Variants in NOL4L observed in about 807,000 individuals in gnomAD.
The protein encoded by NOL4L is nucleolar protein 4-like.
A neutral mutation model predicts 64.5 loss-of-function variants in NOL4L; 7 were observed. That is an observed-to-expected ratio of 0.11 (90% confidence interval 0.06 to 0.20). The LOEUF (loss-of-function observed/expected upper bound fraction) is 0.20. Among genes scored for constraint, NOL4L ranks in the 10% least tolerant of loss-of-function variants. The pLI is 1.00. For synonymous variants in NOL4L, 413 were observed against 401.0 expected (o/e 1.03, Z -0.36); for missense variants, 680 against 967.1 (o/e 0.70, Z 3.94).
At chr20:32,570,834 C>T (rs141974285) in intron 1 of NOL4L, among the ~76,000 whole-genome samples, 1 of 152,316 alleles carries the variant, frequency 6.6e-6, no homozygotes, top group Non-Finnish European at 1.5e-5. Context: ...ATGATAACAA[C>T]AGCAGCCACA....
chr20:32,566,263 C>G (rs1353087190), intron 1 of NOL4L, among the ~76,000 whole-genome samples: 1 of 152,218 alleles, frequency 6.6e-6, no homozygotes, highest in Non-Finnish European at 1.5e-5. Context: ...GCAGTGGACC[C>G]AGGATTCGAA....
In NOL4L at chr20:32,535,608, C is replaced by T. The variant is rs530899576; in HGVS notation, c.322-7695G>A. 116 of 985,592 alleles carry T rather than the reference C, an allele frequency of 1.2e-4. No individual in the cohort carries two copies. In the South Asian group the frequency reaches 4.2e-3, roughly 36 times the overall value. The allele number at this position is 985,592 out of a possible 1,614,324, so 61.1% of individuals were successfully genotyped here. A position where few individuals can be genotyped will look rare whatever the true frequency, so the allele number is the denominator to read the frequency against. ...TTTCAAATCACGCTGGGGACCAAAACGCACACCCCAGGCCACAGAGAAAGG... is the reference window on the plus strand; with the variant it reads ...TTTCAAATCACGCTGGGGACCAAAATGCACACCCCAGGCCACAGAGAAAGG... On this transcript the variant is annotated intron_variant, in intron 1 of 10. Coordinates refer to ENST00000621426, the MANE Select transcript of NOL4L (RefSeq NM_001256798.2).
intron 4 of NOL4L, among the ~76,000 whole-genome samples, chr20:32,477,299 T>G (rs1475186308): frequency 6.6e-6 from 1 of 151,920 alleles, no homozygotes; most frequent in African/African-American, 2.4e-5. Flanking sequence ...CTCCAGGAGG[T>G]TAAGGTGCTC....
chr20:32,451,437 C>T (rs1441619443), intron 10 of NOL4L: 1 of 152,352 alleles, frequency 6.6e-6, no homozygotes, highest in Non-Finnish European at 1.5e-5. Flanking sequence ...CCCTGCTTCC[C>T]TTGGCCTCAC....
rs751210638 is a variant in NOL4L at position 32,556,280 on chromosome 20, G to A, written c.321+28290C>T. Reference sequence around the variant, plus strand: ...TCAGCAAATATTTCCTTTGTGGGGGGGGGGGGTTTCCCTGGAGCCCCTCAG... The same window carrying A: ...TCAGCAAATATTTCCTTTGTGGGGGAGGGGGGTTTCCCTGGAGCCCCTCAG... On this transcript the variant is annotated intron_variant, in intron 1 of 10. Transcript: ENST00000621426. Among the ~76,000 whole-genome samples, 6 of 152,216 alleles carry A rather than the reference G, an allele frequency of 3.9e-5. No homozygotes were observed. In the East Asian group the frequency reaches 1.2e-3, roughly 29 times the overall value.
At chr20:32,494,624 T>C (rs2016613674) in intron 4 of NOL4L, among the ~76,000 whole-genome samples, 1 of 152,222 alleles carries the variant, frequency 6.6e-6, no homozygotes, top group African/African-American at 2.4e-5. Context: ...TTCTCCCTTA[T>C]CTTTTTCAAC....
intron 2 of NOL4L, among the ~76,000 whole-genome samples, chr20:32,526,155 G>A (rs548225049): frequency 3.3e-5 from 5 of 152,170 alleles, no homozygotes; most frequent in East Asian, 1.9e-4. Flanking sequence ...CTTCCAAAGC[G>A]CTGGGATTAT....
intron 4 of NOL4L, among the ~76,000 whole-genome samples, chr20:32,498,166 A>G (rs2016772803): frequency 6.6e-6 from 1 of 152,182 alleles, no homozygotes; most frequent in African/African-American, 2.4e-5. Context: ...GGCTCTCCAG[A>G]CAGGGTGGTG....
intron 2 of NOL4L, among the ~76,000 whole-genome samples, chr20:32,525,356 C>A (rs1177233277): frequency 6.6e-6 from 1 of 152,212 alleles, no homozygotes. Context: ...TACTAGCTGA[C>A]CACAGGAGGG....
chr20:32,530,849 A>G (rs2018320969), intron 1 of NOL4L, among the ~76,000 whole-genome samples: 1 of 152,076 alleles, frequency 6.6e-6, no homozygotes. Flanking sequence ...TGAATCCAGG[A>G]GACAGAGGTT....
chr20:32,488,800 TTTCTTTTTC>T (rs1346018754), intron 4 of NOL4L, among the ~76,000 whole-genome samples: 1 of 34,680 alleles, frequency 2.9e-5, no homozygotes, highest in Non-Finnish European at 4.8e-5. Flanking sequence ...CCTTTCTTTC[TTTCTTTTTC>T]TTTCTTTCTT....
chr20:32,583,234 G>C (rs1980604325), intron 1 of NOL4L, among the ~76,000 whole-genome samples: 1 of 151,538 alleles, frequency 6.6e-6, no homozygotes, highest in Non-Finnish European at 1.5e-5. Context: ...CCCGTCCCCT[G>C]GGCGCGGGGG....
intron 1 of NOL4L, chr20:32,537,020 C>T: frequency 4.1e-6 from 4 of 975,156 alleles, no homozygotes. Flanking sequence ...CGTCCCCCTT[C>T]CGGCCCCGCC....
Position 32,452,296 on chromosome 20 carries a change from C to G in NOL4L, c.1762G>C (p.Gly588Arg). The change falls in exon 10 of 11, where the codon GGG (glycine) becomes CGG (arginine). Residue 588 changes from glycine (G) to arginine (R), a missense_variant. By Grantham distance (125) the Gly-to-Arg change is moderately radical. This residue lies in a region of NOL4L where 175 missense variants were observed against 227.0 expected (regional missense o/e 0.77). Coordinates refer to ENST00000621426, the MANE Select transcript of NOL4L (RefSeq NM_001256798.2). The part of the protein sequence containing the change: ...GGLNYSYRGY[G>R]ALSSNLQPPA... The stretch of plus-strand genomic sequence containing the variant: ...GGCTGCAGGTTGCTGCTCAAGGCCC[C>G]GTACCCGCGGTAACTGTAGTTGAGG... The G allele has an allele frequency of 3.1e-6, 5 of 1,606,494 alleles. No individual in the cohort carries two copies. Among genetic ancestry groups the G allele is most frequent in the Non-Finnish European group, 4.3e-6 (5 of 1,175,888 alleles).
At chr20:32,510,097 T>C (rs975946950) in intron 4 of NOL4L, 13 of 505,014 alleles carry the variant, frequency 2.6e-5, no homozygotes, top group African/African-American at 2.4e-4. Context: ...CCTTTGTGCG[T>C]TGGAAACCCA....
chr20:32,486,795 G>A (rs932445879), intron 4 of NOL4L: 9 of 470,892 alleles, frequency 1.9e-5, no homozygotes, highest in Admixed American at 1.9e-4. Flanking sequence ...GCTCCTGAAG[G>A]GAGGCACTGG....
In NOL4L at chr20:32,484,185, C is replaced by T. The variant is rs74401455; in HGVS notation, c.700-9443G>A. Among the ~76,000 whole-genome samples the T allele has an allele frequency of 0.03, 4,570 of 152,172 alleles. 277 individuals carry two copies. The East Asian group carries it at 0.31, about 10-fold the overall frequency. Reference sequence around the variant, plus strand: ...CAGCCTTCGACCCCCATGCGTCTTTCGGGTCCCCAGGGACGCGGGTACTTG... The same window carrying T: ...CAGCCTTCGACCCCCATGCGTCTTTTGGGTCCCCAGGGACGCGGGTACTTG... On this transcript the variant is annotated intron_variant, in intron 4 of 10. Transcript: ENST00000621426.
intron 1 of NOL4L, among the ~76,000 whole-genome samples, chr20:32,547,740 C>T (rs531574056): frequency 2.0e-5 from 3 of 152,310 alleles, no homozygotes; most frequent in East Asian, 1.9e-4. Flanking sequence ...TACTGCCTGT[C>T]AAATGCCATC....
chr20:32,471,938 C>T (rs979997460), intron 5 of NOL4L, among the ~76,000 whole-genome samples: 4 of 152,168 alleles, frequency 2.6e-5, no homozygotes, highest in Admixed American at 2.0e-4. Flanking sequence ...GCCTGTACAG[C>T]CTGTGGAACT....
Sources: gnomAD v4.1 joint callset for allele counts (sites outside exome capture counted in the v4.1 genomes callset) on GRCh38, gnomAD v4.1.1 for gene constraint, gnomAD v4.1.1 regional missense constraint, MANE v1.5 for transcripts, NCBI Gene and HGNC (gene_info 2026-07-23, HGNC 2026-07-21) for gene names.